PAN3: variants seen among roughly 807,000 people sequenced by gnomAD.
The protein encoded by PAN3 is PAN2-PAN3 deadenylation complex subunit PAN3.
PAN3 carries 19 observed loss-of-function variants against 96.2 expected under a neutral mutation model. The observed-to-expected ratio is 0.20, with a 90% CI of 0.14 to 0.29. PAN3 has a LOEUF of 0.29. PAN3 is among the 10% of genes least tolerant of loss of function. The probability of loss-of-function intolerance (pLI) is 1.00; values close to 1 mark genes in which losing one functional copy is unlikely to be tolerated. For synonymous variants in PAN3, 433 were observed against 406.6 expected (o/e 1.06, Z -0.78); for missense variants, 882 against 1,108.1 (o/e 0.80, Z 2.90).
chr13:28,293,294 T>G lies in PAN3; in HGVS notation c.*772T>G, dbSNP rs1869973919. ...CCTGCTAGTCAGATACATTTACATT[T>G]ATGCAAATTTTTTAAATAGGAGAAA... is the stretch of plus-strand genomic sequence containing the variant. On this transcript the variant is annotated 3_prime_UTR_variant, in exon 19 of 19. Transcript: ENST00000380958. 1 of 151,664 alleles carries G rather than the reference T, an allele frequency of 6.6e-6. No individual in the cohort carries two copies. Among genetic ancestry groups the G allele is most frequent in the Non-Finnish European group, 1.5e-5 (1 of 67,924 alleles). 9.4% of individuals were successfully genotyped at this position (151,664 alleles called of 1,614,324 possible). A position where few individuals can be genotyped will look rare whatever the true frequency, so the allele number is the denominator to read the frequency against.
At position 28,176,626 on chromosome 13, in the gene PAN3, A is replaced by G. The variant is rs1875046245; in HGVS notation, c.619+67A>G. ...ATTTCTTACTCTAAAAGTAATATAC[A>G]ACCATTGTAGAAATTTTGAAAATTG... On this transcript the variant is annotated intron_variant, in intron 3 of 18. Transcript: ENST00000380958. 4.8e-6 allele frequency: 7 copies of G among 1,463,804 alleles called. No individual in the cohort carries two copies. The Admixed American group carries it at 5.9e-5, about 12-fold the overall frequency. 90.7% of individuals were successfully genotyped at this position (1,463,804 alleles called of 1,614,324 possible). A position where few individuals can be genotyped will look rare whatever the true frequency, so the allele number is the denominator to read the frequency against.
intron 1 of PAN3, among the ~76,000 whole-genome samples, chr13:28,142,900 C>CG (rs1422418048): frequency 6.6e-6 from 1 of 152,144 alleles, no homozygotes; most frequent in Non-Finnish European, 1.5e-5. Flanking sequence ...GGTTTTGACT[C>CG]TAACTTTAGC....
In PAN3 at chr13:28,230,418, GA is replaced by G. The variant is rs1267715221; in HGVS notation, c.1000+10050del. Among the ~76,000 whole-genome samples the G allele has an allele frequency of 6.3e-5, 9 of 143,666 alleles. 1 individual carries two copies. The highest frequency in any genetic ancestry group is 1.4e-4 in the Admixed American group (2 of 14,404). The allele number at this position is 143,666 out of a possible 152,430, so 94.3% of individuals were successfully genotyped here. A position where few individuals can be genotyped will look rare whatever the true frequency, so the allele number is the denominator to read the frequency against. On this transcript the variant is annotated intron_variant, in intron 6 of 18. Transcript: ENST00000380958. The stretch of plus-strand genomic sequence containing the variant: ...ACCCTCAAGCAGAGTTCCATGGATG[GA>G]AAAAAAAAACAACCCTATGGTTCTG...
chr13:28,219,140 T>A (rs907323240), intron 5 of PAN3, among the ~76,000 whole-genome samples: 1 of 152,180 alleles, frequency 6.6e-6, no homozygotes, highest in Non-Finnish European at 1.5e-5. Context: ...GGAAATTTTT[T>A]AAAAACACAT....
At chr13:28,172,899 A>T (rs1016407875) in intron 1 of PAN3, among the ~76,000 whole-genome samples, 1 of 152,174 alleles carries the variant, frequency 6.6e-6, no homozygotes, top group East Asian at 1.9e-4. Flanking sequence ...TACAAAAACA[A>T]AAGAAGAGAG....
intron 2 of PAN3, among the ~76,000 whole-genome samples, chr13:28,174,650 A>AT (rs1258537783): frequency 1.3e-5 from 2 of 152,104 alleles, no homozygotes; most frequent in East Asian, 3.9e-4. Context: ...TCACTTGTGT[A>AT]TTTTGTATGT....
chr13:28,257,687 T>TATAAATATATATTATATATATTATATATA (rs1439476978), intron 7 of PAN3, among the ~76,000 whole-genome samples: 11,722 of 134,326 alleles, frequency 0.087, 763 homozygotes, highest in Middle Eastern at 0.18. Context: ...TATTAAATTA[T>TATAAATATATATTATATATATTATATATA]ATAAATATAT....
intron 6 of PAN3, among the ~76,000 whole-genome samples, chr13:28,243,276 T>A (rs567052062): frequency 1.9e-4 from 29 of 152,354 alleles, no homozygotes; most frequent in Non-Finnish European, 3.1e-4. Context: ...TTGATTTGGA[T>A]ACCCTTTTTA....
At position 28,138,820 on chromosome 13, in the gene PAN3, G is replaced by A. The variant is rs1425369481; in HGVS notation, c.163G>A (p.Asp55Asn). ...KLKYCRYYAK[D>N]KTCFYGEECQ... ...GAAGTACTGCCGCTACTACGCTAAG[G>A]ATAAGACTTGCTTCTACGGGGAGGA... The change falls in exon 1 of 19, where the codon GAT (aspartate) becomes AAT (asparagine). Residue 55 changes from aspartate (D) to asparagine (N), a missense_variant. Transcript: ENST00000380958. 2 of 1,415,902 alleles carry A rather than the reference G, an allele frequency of 1.4e-6. No individual in the cohort carries two copies. Among genetic ancestry groups the A allele is most frequent in the Non-Finnish European group, 1.8e-6 (2 of 1,088,578 alleles). 87.7% of individuals were successfully genotyped at this position (1,415,902 alleles called of 1,614,324 possible).
rs540481612 is a variant in PAN3 at position 28,173,624 on chromosome 13, T to TA, written c.431-647dup. Among the ~76,000 whole-genome samples the TA allele has an allele frequency of 1.6e-3, 240 of 152,368 alleles. 6 individuals are homozygous for TA. The highest frequency in any genetic ancestry group is 0.015 in the Admixed American group (236 of 15,300). ...ATGACTGCCTGGAGAAGAGCAAGCC[T>TA]ACTTGCGGCCCATCTTATTGTTAAA... On this transcript the variant is annotated intron_variant, in intron 1 of 18. Coordinates refer to ENST00000380958, the MANE Select transcript of PAN3 (RefSeq NM_175854.8).
chr13:28,162,812 A>T (rs917003073), intron 1 of PAN3, among the ~76,000 whole-genome samples: 2 of 151,738 alleles, frequency 1.3e-5, no homozygotes, highest in African/African-American at 4.8e-5. Context: ...ACTGCACTCC[A>T]GCCTGGGTGA....
At position 28,291,462 on chromosome 13, in the gene PAN3, A is replaced by G. The variant is rs543882990; in HGVS notation, c.2524-920A>G. Among the ~76,000 whole-genome samples the G allele has an allele frequency of 1.0e-3, 159 of 152,320 alleles. 2 individuals carry two copies. The highest frequency in any genetic ancestry group is 3.8e-3 in the African/African-American group (156 of 41,584). On this transcript the variant is annotated intron_variant, in intron 18 of 18. Transcript: ENST00000380958. ...AAAGTAAATGTATGAAAAAACTTTG[A>G]TAATAGTAGTTAAAATCTAAATTTA...
At chr13:28,153,404 T>G (rs1871666019) in intron 1 of PAN3, among the ~76,000 whole-genome samples, 1 of 151,798 alleles carries the variant, frequency 6.6e-6, no homozygotes, top group Non-Finnish European at 1.5e-5. Context: ...CCTGGCTAAT[T>G]TTTGTATTTT....
chr13:28,258,164 ATAT>A (rs996026813), intron 7 of PAN3, among the ~76,000 whole-genome samples: 19 of 152,216 alleles, frequency 1.2e-4, no homozygotes, highest in African/African-American at 4.3e-4. Context: ...GAAAAAAGAG[ATAT>A]TATTCTCCCT....
At chr13:28,268,580 C>A (rs1487185505) in intron 12 of PAN3, among the ~76,000 whole-genome samples, 2 of 152,008 alleles carry the variant, frequency 1.3e-5, no homozygotes, top group African/African-American at 2.4e-5. Flanking sequence ...AAAAGTAAAT[C>A]CATTTTGAGA....
At chr13:28,288,981 C>A (rs1234283962) in intron 18 of PAN3, among the ~76,000 whole-genome samples, 1 of 152,028 alleles carries the variant, frequency 6.6e-6, no homozygotes, top group South Asian at 2.1e-4. Context: ...CACCCACCAC[C>A]ATGCCCGGCT....
intron 1 of PAN3, among the ~76,000 whole-genome samples, chr13:28,151,138 T>C (rs1376061142): frequency 1.3e-5 from 2 of 151,894 alleles, no homozygotes; most frequent in Non-Finnish European, 2.9e-5. Flanking sequence ...GGCTAATAGG[T>C]TGGTGTGGAG....
At chr13:28,220,139 A>G (rs1049120971) in intron 5 of PAN3, 92 bp from the exon 6 acceptor site, 90 of 1,185,194 alleles carry the variant, frequency 7.6e-5, no homozygotes, top group Non-Finnish European at 1.0e-4. Flanking sequence ...TATTTTACTT[A>G]GTAAATAAAG....
intron 6 of PAN3, among the ~76,000 whole-genome samples, chr13:28,233,542 C>G (rs968925142): frequency 8.5e-5 from 13 of 152,176 alleles, no homozygotes; most frequent in African/African-American, 2.9e-4. Context: ...GTTGGGATTA[C>G]AGGCATGAGC....
Sources: gnomAD v4.1 joint callset for allele counts (sites outside exome capture counted in the v4.1 genomes callset) on GRCh38, gnomAD v4.1.1 for gene constraint, MANE v1.5 for transcripts, NCBI Gene and HGNC (gene_info 2026-07-23, HGNC 2026-07-21) for gene names.